Variants in DISC1 observed in about 807,000 individuals in gnomAD.
The protein encoded by DISC1 is DISC1 scaffold protein, also known as disrupted in schizophrenia 1 protein.
In DISC1, 57 loss-of-function variants were observed where a neutral mutation model predicts 84.5. That is an observed-to-expected ratio of 0.67 (90% CI 0.55 to 0.84). DISC1 has a LOEUF of 0.84. DISC1 is among the 40% of genes least tolerant of loss of function. The probability of loss-of-function intolerance (pLI) is 0.00; values close to 1 mark genes in which losing one functional copy is unlikely to be tolerated. For synonymous variants in DISC1, 411 were observed against 415.2 expected (o/e 0.99, Z 0.12); for missense variants, 1,000 against 1,057.8 (o/e 0.95, Z 0.76).
At position 231,687,025 on chromosome 1, in the gene DISC1, A is replaced by G. The variant is rs939783266; in HGVS notation, c.68-6801A>G. 2.0e-5 allele frequency among the ~76,000 whole-genome samples: 3 copies of G among 152,308 alleles called. No homozygotes were observed. The East Asian group carries it at 5.8e-4, about 29-fold the overall frequency. Reference sequence around the variant, plus strand: ...CCTCATCTCCATCTGAGACCACCTCAGCCTGGACCTTATTGTTCCTATCAC... The same window carrying G: ...CCTCATCTCCATCTGAGACCACCTCGGCCTGGACCTTATTGTTCCTATCAC... On this transcript the variant is annotated intron_variant, in intron 1 of 12. Coordinates refer to ENST00000439617, the MANE Select transcript of DISC1 (RefSeq NM_018662.3).
chr1:231,654,447 G>A lies in DISC1; in HGVS notation c.67+27513G>A, dbSNP rs114377898. The stretch of plus-strand genomic sequence containing the variant: ...CTAATTAACATATCCATCATTTCAC[G>A]TGTGTGTGTGGTATGAAATTTTTGT... On this transcript the variant is annotated intron_variant, in intron 1 of 12. Coordinates refer to ENST00000439617, the MANE Select transcript of DISC1 (RefSeq NM_018662.3). Among the ~76,000 whole-genome samples, 519 of 151,786 alleles carry A rather than the reference G, an allele frequency of 3.4e-3. 7 individuals carry two copies. The highest frequency in any genetic ancestry group is 0.012 in the African/African-American group (494 of 41,326).
intron 1 of DISC1, among the ~76,000 whole-genome samples, chr1:231,657,178 T>A (rs2061171231): frequency 6.6e-6 from 1 of 152,238 alleles, no homozygotes; most frequent in South Asian, 2.1e-4. Context: ...AGTCAAATGG[T>A]ACGCCTCTAG....
At chr1:231,631,461 T>A (rs2058702130) in intron 1 of DISC1, among the ~76,000 whole-genome samples, 1 of 152,170 alleles carries the variant, frequency 6.6e-6, no homozygotes, top group African/African-American at 2.4e-5. Context: ...ATTGTTGTCA[T>A]AGGAGATGAT....
intron 9 of DISC1, among the ~76,000 whole-genome samples, chr1:231,885,073 A>G (rs774925952): frequency 3.9e-5 from 6 of 152,204 alleles, no homozygotes; most frequent in African/African-American, 1.2e-4. Flanking sequence ...CAGCCTCTTC[A>G]TTTGATGTCT....
At chr1:231,775,261 A>G (rs892543707) in intron 6 of DISC1, among the ~76,000 whole-genome samples, 2 of 152,240 alleles carry the variant, frequency 1.3e-5, no homozygotes, top group Non-Finnish European at 2.9e-5. Context: ...ACAACGACCC[A>G]ACAACTTGAA....
intron 9 of DISC1, among the ~76,000 whole-genome samples, chr1:231,835,248 C>T (rs6677995): frequency 1.3e-5 from 2 of 152,064 alleles, no homozygotes; most frequent in Non-Finnish European, 2.9e-5. Context: ...CACTCGCGTC[C>T]GTGTGAAGAG....
At chr1:231,950,497 G>A (rs1006556081) in intron 9 of DISC1, among the ~76,000 whole-genome samples, 3 of 152,168 alleles carry the variant, frequency 2.0e-5, no homozygotes, top group Admixed American at 1.3e-4. Context: ...TTTAGAAAAA[G>A]CATTTGACAA....
chr1:232,017,936 A>G (rs1007342746), intron 11 of DISC1, among the ~76,000 whole-genome samples: 1 of 152,220 alleles, frequency 6.6e-6, no homozygotes, highest in Non-Finnish European at 1.5e-5. Context: ...ATTTTAAGAA[A>G]TAGACTATTT....
intron 10 of DISC1, among the ~76,000 whole-genome samples, chr1:231,978,515 T>A (rs542933689): frequency 6.6e-6 from 1 of 152,304 alleles, no homozygotes; most frequent in East Asian, 1.9e-4. Context: ...ATGCATCCAT[T>A]TGCAGAATAG....
At chr1:231,876,386 A>G (rs1171067274) in intron 9 of DISC1, among the ~76,000 whole-genome samples, 1 of 152,252 alleles carries the variant, frequency 6.6e-6, no homozygotes, top group Non-Finnish European at 1.5e-5. Context: ...TGCCAGCCTC[A>G]TGCTGACTGT....
At chr1:231,834,349 G>T (rs1379524035) in intron 9 of DISC1, among the ~76,000 whole-genome samples, 3 of 152,112 alleles carry the variant, frequency 2.0e-5, no homozygotes, top group Non-Finnish European at 4.4e-5. Context: ...GACGCTTGGG[G>T]TTGGGACTGA....
chr1:232,036,844 TG>T lies in DISC1; in HGVS notation c.*18del. ...AGCACAAGCCTGAGGAGTGACGGGA[TG>T]GGGGAGGGAGGTGGGCCACCATGTT... On this transcript the variant is annotated 3_prime_UTR_variant, in exon 13 of 13. Coordinates refer to ENST00000439617, the MANE Select transcript of DISC1 (RefSeq NM_018662.3). The T allele has an allele frequency of 1.7e-6, 2 of 1,209,936 alleles. No individual in the cohort carries two copies. The highest frequency in any genetic ancestry group is 1.6e-5 in the South Asian group (1 of 61,220). The allele number at this position is 1,209,936 out of a possible 1,614,324, so 75.0% of individuals were successfully genotyped here. A position where few individuals can be genotyped will look rare whatever the true frequency, so the allele number is the denominator to read the frequency against.
intron 11 of DISC1, among the ~76,000 whole-genome samples, chr1:232,016,486 G>A (rs558896381): frequency 6.6e-6 from 1 of 152,180 alleles, no homozygotes. Flanking sequence ...TATTTTCTCA[G>A]AGGGTTCTAA....
intron 9 of DISC1, among the ~76,000 whole-genome samples, chr1:231,938,710 G>A (rs551141059): frequency 3.9e-5 from 6 of 152,262 alleles, no homozygotes; most frequent in African/African-American, 1.4e-4. Flanking sequence ...GTACCACAGC[G>A]ATAAAACCAA....
chr1:231,827,964 C>T (rs910099717), intron 9 of DISC1, among the ~76,000 whole-genome samples: 1 of 152,076 alleles, frequency 6.6e-6, no homozygotes, highest in African/African-American at 2.4e-5. Context: ...CATAGAATGT[C>T]GTTTTATTTT....
At chr1:231,941,905 A>G (rs914937493) in intron 9 of DISC1, among the ~76,000 whole-genome samples, 2 of 152,256 alleles carry the variant, frequency 1.3e-5, no homozygotes, top group Admixed American at 1.3e-4. Context: ...ACTGTAGGGG[A>G]AAGTGCCCTC....
chr1:231,636,214 G>A (rs919818855), intron 1 of DISC1, among the ~76,000 whole-genome samples: 2 of 152,188 alleles, frequency 1.3e-5, no homozygotes, highest in Non-Finnish European at 2.9e-5. Context: ...GTAGAACACT[G>A]AGTTAATTTC....
At chr1:232,022,574 G>C (rs1207110635) in intron 11 of DISC1, among the ~76,000 whole-genome samples, 2 of 152,050 alleles carry the variant, frequency 1.3e-5, no homozygotes, top group African/African-American at 4.8e-5. Context: ...CCAAAGTGCT[G>C]GGATTACAGG....
At chr1:231,808,907 C>T (rs2079989554) in intron 8 of DISC1, among the ~76,000 whole-genome samples, 1 of 152,130 alleles carries the variant, frequency 6.6e-6, no homozygotes, top group Admixed American at 6.5e-5. Flanking sequence ...GTGTAATTTA[C>T]GGATCCTGGG....
Sources: gnomAD v4.1 joint callset for allele counts (sites outside exome capture counted in the v4.1 genomes callset) on GRCh38, gnomAD v4.1.1 for gene constraint, MANE v1.5 for transcripts, NCBI Gene and HGNC (gene_info 2026-07-23, HGNC 2026-07-21) for gene names.